Variants in PDZK1 observed in about 807,000 individuals in gnomAD.
PDZK1 encodes PDZ domain containing 1.
PDZK1 carries 23 observed loss-of-function variants against 38.1 expected under a neutral mutation model. The observed-to-expected ratio is 0.60, with a 90% confidence interval of 0.43 to 0.85. The LOEUF (loss-of-function observed/expected upper bound fraction) is 0.85, where lower values mean the gene tolerates loss of function less well. Ranked by LOEUF, PDZK1 falls within the 40% of genes least tolerant of loss-of-function variation. PDZK1 has a pLI of 0.00. For synonymous variants in PDZK1, 98 were observed against 186.2 expected (o/e 0.53, Z 3.86); for missense variants, 297 against 504.3 (o/e 0.59, Z 3.94).
At position 145,673,799 on chromosome 1, in the gene PDZK1, G is replaced by A. The variant is rs375838309; in HGVS notation, c.1073C>T (p.Thr358Ile). ...SVKEAPAPTP[T>I]SLEVSSPPDT... is the part of the protein sequence containing the mutation. ...TGGTGGACTTGAGACTTCCAGAGAA[G>A]TGGGAGTAGGAGCTGGAGCCTCCTT... Residue 358 changes from threonine to isoleucine, a missense_variant, in exon 7 of 9, where the codon ACT becomes ATT. By Grantham distance (89) the Thr-to-Ile change is moderately conservative. This residue lies in a region of PDZK1 where 49 missense variants were observed against 135.6 expected (regional missense o/e 0.36). Coordinates refer to ENST00000417171, the MANE Select transcript of PDZK1 (RefSeq NM_001201325.2). 57 of 1,611,390 alleles carry A rather than the reference G, an allele frequency of 3.5e-5. No homozygotes were observed. The highest frequency in any genetic ancestry group is 4.1e-5 in the Non-Finnish European group (48 of 1,179,752).
chr1:145,686,177 G>A (rs1231427493), intron 3 of PDZK1, among the ~76,000 whole-genome samples: 1 of 151,984 alleles, frequency 6.6e-6, no homozygotes, highest in African/African-American at 2.4e-5. Flanking sequence ...TCAACCCTCT[G>A]GCCCCCTGAC....
intron 5 of PDZK1, among the ~76,000 whole-genome samples, chr1:145,679,709 C>G (rs587638679): frequency 3.5e-4 from 54 of 152,244 alleles, no homozygotes; most frequent in African/African-American, 1.2e-3. Flanking sequence ...GTTCTTCTTG[C>G]ATAATTGTTA....
At position 145,682,652 on chromosome 1, in the gene PDZK1, G is replaced by A. The variant is rs781892741; in HGVS notation, c.461-16C>T. On this transcript the variant is annotated splice_polypyrimidine_tract_variant and intron_variant, in intron 3 of 8. Coordinates refer to ENST00000417171, the MANE Select transcript of PDZK1 (RefSeq NM_001201325.2). ...CCCTTTTTACCTGGAAGAGAGTAGG[G>A]GTAAACTCCATGTGGAGACACAAGT... The A allele has an allele frequency of 3.7e-6, 6 of 1,611,820 alleles. No individual in the cohort carries two copies. In the Admixed American group the frequency reaches 5.0e-5, roughly 13 times the overall value.
intron 6 of PDZK1, among the ~76,000 whole-genome samples, chr1:145,676,366 C>G (rs868916658): frequency 1.3e-5 from 2 of 151,756 alleles, no homozygotes; most frequent in Non-Finnish European, 2.9e-5. Context: ...TTTCTGGCAG[C>G]TTCAGTTGGT....
intron 8 of PDZK1, 125 bp from the exon 9 acceptor site, chr1:145,671,614 A>G (rs1250442130): frequency 1.8e-6 from 1 of 571,080 alleles, no homozygotes; most frequent in Admixed American, 3.0e-5. Flanking sequence ...CTTTCACAGC[A>G]TGCAGTTGAC....
At chr1:145,688,067 T>G in intron 1 of PDZK1, 44 bp from the exon 2 acceptor site, 4 of 1,486,298 alleles carry the variant, frequency 2.7e-6, no homozygotes, top group Non-Finnish European at 3.8e-6. Flanking sequence ...GAAAAGAGAA[T>G]CTAATTGGAG....
Position 145,672,601 on chromosome 1 carries a change from G to C in PDZK1, c.1506+129C>G, listed in dbSNP as rs1216528396. ...TCCTCTACAATAACTTGATTTGTTAGTTATCTTTACATTTTCATTTTCTAG... is the reference window on the plus strand; with the variant it reads ...TCCTCTACAATAACTTGATTTGTTACTTATCTTTACATTTTCATTTTCTAG... On this transcript the variant is annotated intron_variant, in intron 8 of 8. Coordinates refer to ENST00000417171, the MANE Select transcript of PDZK1 (RefSeq NM_001201325.2). 4.1e-6 allele frequency: 5 copies of C among 1,215,056 alleles called. No individual in the cohort carries two copies. The Admixed American group carries it at 1.2e-4, about 29-fold the overall frequency. 75.3% of individuals were successfully genotyped at this position (1,215,056 alleles called of 1,614,324 possible).
chr1:145,691,852 A>G (rs587662200), intron 1 of PDZK1: 2 of 152,198 alleles, frequency 1.3e-5, no homozygotes, highest in South Asian at 4.2e-4. Context: ...AGCTATAACC[A>G]TTCCTGAGCT....
chr1:145,697,763 ATTTTTTTTT>A (rs10564713), intron 1 of PDZK1, among the ~76,000 whole-genome samples: 3 of 44,936 alleles, frequency 6.7e-5, no homozygotes, highest in African/African-American at 2.0e-4. Flanking sequence ...TGCCCAGCTA[ATTTTTTTTT>A]TTTTTTTTTT....
At chr1:145,691,911 A>C (rs1571623898) in intron 1 of PDZK1, 3 of 152,350 alleles carry the variant, frequency 2.0e-5, no homozygotes, top group East Asian at 3.8e-4. Flanking sequence ...ATCTGTGGGA[A>C]AGAGAACAAA....
chr1:145,682,009 A>ACACAC (rs1553700481), intron 4 of PDZK1, among the ~76,000 whole-genome samples: 3 of 108,264 alleles, frequency 2.8e-5, no homozygotes, highest in African/African-American at 1.3e-4. Context: ...ATCTCTACAA[A>ACACAC]ACACACACAC....
At position 145,671,485 on chromosome 1, in the gene PDZK1, TG is replaced by T; in HGVS notation, c.1510del (p.His504ThrfsTer21). On this transcript the variant is annotated frameshift_variant, in exon 9 of 9. Coordinates refer to ENST00000417171, the MANE Select transcript of PDZK1 (RefSeq NM_001201325.2). LOFTEE classifies it high-confidence loss of function. Reference sequence around the variant, plus strand: ...GGAAGAAGAATGTGAGGCTGTACTGTGGGCCTGTGTATAAGAAAACAAAGAA... The same window carrying T: ...GGAAGAAGAATGTGAGGCTGTACTGTGGCCTGTGTATAAGAAAACAAAGAA... ...HDSHMAKERA[H>X]STASHSSSNS... 1 of 1,553,152 alleles carries T rather than the reference TG, an allele frequency of 6.4e-7. No homozygotes were observed. Among genetic ancestry groups the T allele is most frequent in the South Asian group, 1.1e-5 (1 of 88,690 alleles).
intron 1 of PDZK1, among the ~76,000 whole-genome samples, chr1:145,694,204 G>A (rs1163042360): frequency 6.6e-6 from 1 of 152,148 alleles, no homozygotes; most frequent in Admixed American, 6.5e-5. Flanking sequence ...AAAAGCTGAG[G>A]CCATTCCTCA....
At chr1:145,697,756 C>T (rs1297098977) in intron 1 of PDZK1, among the ~76,000 whole-genome samples, 2 of 145,544 alleles carry the variant, frequency 1.4e-5, no homozygotes, top group Non-Finnish European at 3.0e-5. Context: ...GCCACCATGC[C>T]CAGCTAATTT....
intron 1 of PDZK1, chr1:145,691,682 A>G (rs1655242865): frequency 1.3e-5 from 2 of 152,170 alleles, no homozygotes; most frequent in South Asian, 4.1e-4. Context: ...GGTGGTACAC[A>G]TCTTTAGTCC....
At chr1:145,676,625 C>T (rs1253984203) in intron 6 of PDZK1, among the ~76,000 whole-genome samples, 2 of 148,228 alleles carry the variant, frequency 1.3e-5, no homozygotes, top group Non-Finnish European at 3.0e-5. Context: ...ACTCAGGAGG[C>T]TGAGGCAGGG....
chr1:145,701,858 A>G (rs587670111), intron 1 of PDZK1, among the ~76,000 whole-genome samples: 1 of 152,332 alleles, frequency 6.6e-6, no homozygotes, highest in Admixed American at 6.5e-5. Context: ...AACAGATCCT[A>G]TATTTTTATG....
intron 8 of PDZK1, 68 bp downstream of exon 8, chr1:145,672,662 T>C: frequency 6.3e-7 from 1 of 1,578,456 alleles, no homozygotes; most frequent in South Asian, 1.1e-5. Context: ...AGACATTAAA[T>C]ATACTCATAG....
At chr1:145,679,749 G>A (rs1233867122) in intron 5 of PDZK1, among the ~76,000 whole-genome samples, 1 of 152,154 alleles carries the variant, frequency 6.6e-6, no homozygotes, top group African/African-American at 2.4e-5. Flanking sequence ...AAGCCCCCAA[G>A]ACATTATAGG....
Sources: gnomAD v4.1 joint callset for allele counts (sites outside exome capture counted in the v4.1 genomes callset) on GRCh38, gnomAD v4.1.1 for gene constraint, gnomAD v4.1.1 regional missense constraint, MANE v1.5 for transcripts, NCBI Gene and HGNC (gene_info 2026-07-23, HGNC 2026-07-21) for gene names.